PEX14: variants seen among roughly 807,000 people sequenced by gnomAD.
The protein encoded by PEX14 is peroxisomal membrane protein PEX14.
In PEX14, 15 loss-of-function variants were observed where a neutral mutation model predicts 49.5. That is an observed-to-expected ratio of 0.30 (90% CI 0.20 to 0.47). The LOEUF (loss-of-function observed/expected upper bound fraction) is 0.47. PEX14 is among the 20% of genes least tolerant of loss of function. PEX14 has a pLI of 1.00. For synonymous variants in PEX14, 210 were observed against 212.7 expected (o/e 0.99, Z 0.11); for missense variants, 398 against 494.8 (o/e 0.80, Z 1.86).
At chr1:10,605,245 C>A (rs977538344) in intron 4 of PEX14, among the ~76,000 whole-genome samples, 1 of 152,006 alleles carries the variant, frequency 6.6e-6, no homozygotes, top group South Asian at 2.1e-4. Context: ...GGTGGTCGGT[C>A]GGTGATACGG....
intron 1 of PEX14, among the ~76,000 whole-genome samples, chr1:10,486,689 C>CT (rs34311886): frequency 0.6 from 81,790 of 135,382 alleles, 26,009 homozygotes; most frequent in East Asian, 0.8. Flanking sequence ...GACTCTGTCT[C>CT]TTTTTTTTTT....
chr1:10,584,483 A>G (rs1640422387), intron 3 of PEX14, among the ~76,000 whole-genome samples: 2 of 152,230 alleles, frequency 1.3e-5, no homozygotes, highest in African/African-American at 4.8e-5. Context: ...AAATTAAGAC[A>G]TGCTTACTGA....
At chr1:10,606,341 C>T (rs1641125485) in intron 4 of PEX14, among the ~76,000 whole-genome samples, 1 of 152,336 alleles carries the variant, frequency 6.6e-6, no homozygotes, top group Admixed American at 6.5e-5. Flanking sequence ...AAAGGGCAGG[C>T]TGCCTTCTAA....
chr1:10,488,949 C>T (rs1422568636), intron 1 of PEX14, among the ~76,000 whole-genome samples: 1 of 152,088 alleles, frequency 6.6e-6, no homozygotes, highest in Non-Finnish European at 1.5e-5. Context: ...GTTACATTTT[C>T]CTGCTTCTTG....
At chr1:10,524,947 T>G (rs1483312157) in intron 2 of PEX14, among the ~76,000 whole-genome samples, 3 of 152,228 alleles carry the variant, frequency 2.0e-5, no homozygotes, top group Non-Finnish European at 4.4e-5. Flanking sequence ...TGCCTCAGCC[T>G]CCCAAAGTGC....
intron 3 of PEX14, among the ~76,000 whole-genome samples, chr1:10,566,724 T>G (rs1375171012): frequency 1.3e-5 from 2 of 151,942 alleles, no homozygotes; most frequent in Non-Finnish European, 2.9e-5. Context: ...TTCATGTTGG[T>G]CAGGCTGATC....
At chr1:10,542,269 C>T (rs1459310711) in intron 3 of PEX14, among the ~76,000 whole-genome samples, 1 of 152,128 alleles carries the variant, frequency 6.6e-6, no homozygotes, top group Non-Finnish European at 1.5e-5. Flanking sequence ...ATAATCTATC[C>T]ACATGAAAGC....
chr1:10,577,803 G>A (rs552512350), intron 3 of PEX14, among the ~76,000 whole-genome samples: 1 of 150,080 alleles, frequency 6.7e-6, no homozygotes, highest in South Asian at 2.1e-4. Flanking sequence ...CGGTTTCACC[G>A]TGTTAGCCAG....
At chr1:10,563,322 G>A (rs1297387902) in intron 3 of PEX14, among the ~76,000 whole-genome samples, 2 of 151,682 alleles carry the variant, frequency 1.3e-5, no homozygotes, top group Non-Finnish European at 2.9e-5. Flanking sequence ...ATTTCAGGCC[G>A]GGCGCGGTTG....
chr1:10,490,818 C>T (rs9700075), intron 1 of PEX14, among the ~76,000 whole-genome samples: 2 of 151,192 alleles, frequency 1.3e-5, no homozygotes, highest in Non-Finnish European at 2.9e-5. Context: ...CCTCCCACTT[C>T]AACCTCCTGG....
intron 1 of PEX14, among the ~76,000 whole-genome samples, chr1:10,479,146 T>G (rs606240): frequency 0.99 from 151,250 of 152,120 alleles, 75,195 homozygotes; most frequent in East Asian, 1. Flanking sequence ...GGAGGCTGAG[T>G]TGGGAGGATC....
At chr1:10,621,723 TG>T (rs1408550312) in intron 5 of PEX14, among the ~76,000 whole-genome samples, 1 of 152,160 alleles carries the variant, frequency 6.6e-6, no homozygotes, top group Non-Finnish European at 1.5e-5. Flanking sequence ...GGCTCAGTTG[TG>T]GGTAATAGCT....
rs1035672494 is a variant in PEX14, at chr1:10,629,891, G to C, written c.1038G>C (p.Gln346His). Residue 346 changes from glutamine (Q) to histidine (H), a missense_variant, in exon 9 of 9, where the codon CAG (glutamine) becomes CAC (histidine). Gln to His is a conservative substitution (Grantham distance 24). This residue lies in a region of PEX14 where 140 missense variants were observed against 155.5 expected (regional missense o/e 0.90). Coordinates refer to ENST00000356607, the MANE Select transcript of PEX14 (RefSeq NM_004565.3). This position sits in a 1 kb window ranked among gnomAD's most constrained non-coding sequence, Gnocchi z 8.5. ...HVDEEDCLGV[Q>H]REDRRGGDGQ... ...ACGAGGAGGACTGCCTGGGGGTGCA[G>C]AGGGAGGACCGCCGGGGCGGGGATG... 2 of 1,613,688 alleles carry C rather than the reference G, an allele frequency of 1.2e-6. No individual in the cohort carries two copies. Among genetic ancestry groups the C allele is most frequent in the Non-Finnish European group, 1.7e-6 (2 of 1,179,902 alleles).
intron 4 of PEX14, among the ~76,000 whole-genome samples, chr1:10,612,216 AGTT>A (rs1641294145): frequency 1.3e-5 from 2 of 152,104 alleles, no homozygotes; most frequent in Non-Finnish European, 2.9e-5. Context: ...ATGGATATCC[AGTT>A]GTTCAGCATG....
rs562715297 is a variant in PEX14 at position 10,544,871 on chromosome 1, TC to T, written c.169+8577del. On this transcript the variant is annotated intron_variant, in intron 3 of 8. Coordinates refer to ENST00000356607, the MANE Select transcript of PEX14 (RefSeq NM_004565.3). ...TGACCTCCCCGGGATCAAGTGATCCTCCCATCGCAGCCTCCCAGGTAGCTGG... is the reference window on the plus strand; with the variant it reads ...TGACCTCCCCGGGATCAAGTGATCCTCCATCGCAGCCTCCCAGGTAGCTGG... Among the ~76,000 whole-genome samples, 497 of 152,098 alleles carry T rather than the reference TC, an allele frequency of 3.3e-3. 2 individuals carry two copies. The highest frequency in any genetic ancestry group is 0.012 in the African/African-American group (484 of 41,484).
At chr1:10,615,961 G>C (rs1310089974) in intron 4 of PEX14, among the ~76,000 whole-genome samples, 1 of 152,206 alleles carries the variant, frequency 6.6e-6, no homozygotes, top group Non-Finnish European at 1.5e-5. Context: ...AACTGTATGC[G>C]TGCTACCTGT....
chr1:10,542,588 C>T (rs144683077), intron 3 of PEX14, among the ~76,000 whole-genome samples: 2 of 152,256 alleles, frequency 1.3e-5, no homozygotes, highest in African/African-American at 2.4e-5. Context: ...GGTGAAACCC[C>T]GTCTCTACTA....
intron 3 of PEX14, among the ~76,000 whole-genome samples, chr1:10,583,260 C>T (rs1640379229): frequency 6.6e-6 from 1 of 151,166 alleles, no homozygotes; most frequent in African/African-American, 2.4e-5. Context: ...TGTTTTGTCA[C>T]CCAGGCTGGA....
chr1:10,531,650 A>G (rs555561051), intron 2 of PEX14, among the ~76,000 whole-genome samples: 230 of 152,224 alleles, frequency 1.5e-3, no homozygotes, highest in African/African-American at 5.3e-3. Context: ...TTTGGTTGTT[A>G]GTGTCATTAA....
Sources: gnomAD v4.1 joint callset for allele counts (sites outside exome capture counted in the v4.1 genomes callset) on GRCh38, gnomAD v4.1.1 for gene constraint, gnomAD v4.1.1 regional missense constraint, Gnocchi (gnomAD v3.1) non-coding constraint, MANE v1.5 for transcripts, NCBI Gene and HGNC (gene_info 2026-07-23, HGNC 2026-07-21) for gene names.